The following DNM2 variants were observed in gnomAD, a reference collection of about 807,000 sequenced individuals.
DNM2 encodes dynamin-2.
Under a neutral mutation model 99.0 loss-of-function variants are expected in DNM2, and 15 were observed. That is an observed-to-expected ratio of 0.15 (90% CI 0.10 to 0.23). The LOEUF (loss-of-function observed/expected upper bound fraction) is 0.23, where lower values mean the gene tolerates loss of function less well. DNM2 is among the 10% of genes least tolerant of loss of function. The probability of loss-of-function intolerance (pLI) is 1.00; values close to 1 mark genes in which losing one functional copy is unlikely to be tolerated. For synonymous variants in DNM2, 525 were observed against 481.2 expected (o/e 1.09, Z -1.19); for missense variants, 742 against 1,189.4 (o/e 0.62, Z 5.53).
chr19:10,778,787 C>T (rs1401063047), intron 5 of DNM2, among the ~76,000 whole-genome samples: 1 of 152,080 alleles, frequency 6.6e-6, no homozygotes, highest in Admixed American at 6.6e-5. Context: ...GAAACCAGAC[C>T]ACATCCCACA....
intron 1 of DNM2, among the ~76,000 whole-genome samples, chr19:10,756,433 G>A (rs189718914): frequency 6.6e-6 from 1 of 152,318 alleles, no homozygotes; most frequent in Admixed American, 6.5e-5. Flanking sequence ...GCCATGAGCT[G>A]TGATGTTGTC....
At chr19:10,751,953 G>A (rs1599478022) in intron 1 of DNM2, among the ~76,000 whole-genome samples, 1 of 152,264 alleles carries the variant, frequency 6.6e-6, no homozygotes, top group South Asian at 2.1e-4. Flanking sequence ...GGACACGAGA[G>A]CCTTTATTCC....
intron 2 of DNM2, among the ~76,000 whole-genome samples, chr19:10,770,235 A>T (rs2070930339): frequency 6.6e-6 from 1 of 152,094 alleles, no homozygotes; most frequent in Non-Finnish European, 1.5e-5. Flanking sequence ...CCTTTGCTTG[A>T]GGCAGTTTAT....
At chr19:10,749,333 C>T (rs1163367480) in intron 1 of DNM2, among the ~76,000 whole-genome samples, 1 of 152,214 alleles carries the variant, frequency 6.6e-6, no homozygotes. Context: ...GGCTTCTGAT[C>T]TGCTGGACTC....
chr19:10,823,059 C>G (rs1452444790), intron 16 of DNM2, among the ~76,000 whole-genome samples: 1 of 146,646 alleles, frequency 6.8e-6, no homozygotes, highest in East Asian at 2.1e-4. Context: ...GAGCCAAGAT[C>G]GCGCCACTGC....
At chr19:10,785,726 T>C (rs1008446229) in intron 6 of DNM2, among the ~76,000 whole-genome samples, 4 of 152,230 alleles carry the variant, frequency 2.6e-5, no homozygotes, top group Admixed American at 6.5e-5. Context: ...CGTGAGCCAC[T>C]GCACCCAGCT....
rs772677135 is a variant in DNM2, at chr19:10,772,172, C to T, written c.236-307C>T. 2.0e-5 allele frequency among the ~76,000 whole-genome samples: 3 copies of T among 151,814 alleles called. No homozygotes were observed. Among genetic ancestry groups the T allele is most frequent in the African/African-American group, 2.4e-5 (1 of 41,310 alleles). On this transcript the variant is annotated intron_variant, in intron 2 of 20. Transcript: ENST00000389253. The surrounding 1 kb of genome is among the most constrained non-coding windows in gnomAD (Gnocchi z 4.9). Reference sequence around the variant, plus strand: ...TCGGCTCACTACAACCTCCGCCTCCCGGGTTCAAGCAATTATCCTGCCTCA... The same window carrying T: ...TCGGCTCACTACAACCTCCGCCTCCTGGGTTCAAGCAATTATCCTGCCTCA...
chr19:10,808,637 C>G (rs1204784222), intron 14 of DNM2, 57 bp downstream of exon 14: 1 of 1,566,516 alleles, frequency 6.4e-7, no homozygotes, highest in Non-Finnish European at 8.7e-7. Flanking sequence ...TGATGGAGAC[C>G]CCGCCCACCC....
In DNM2 at chr19:10,831,202, C is replaced by T. The variant is rs1850976933; in HGVS notation, c.*155C>T. On this transcript the variant is annotated 3_prime_UTR_variant, in exon 21 of 21. Transcript: ENST00000389253. This position sits in a 1 kb window ranked among gnomAD's most constrained non-coding sequence, Gnocchi z 4.3. ...ACGCTGGCCCCGGTCCAGGGCCGGC[C>T]CCTGTGCCTGGCTGGACACCGCACT... 2.1e-6 allele frequency: 3 copies of T among 1,395,836 alleles called. No homozygotes were observed. Among genetic ancestry groups the T allele is most frequent in the Admixed American group, 6.2e-5 (2 of 32,152 alleles). The allele number at this position is 1,395,836 out of a possible 1,614,324, so 86.5% of individuals were successfully genotyped here.
At chr19:10,805,187 G>A (rs2072289120) in intron 12 of DNM2, among the ~76,000 whole-genome samples, 1 of 152,228 alleles carries the variant, frequency 6.6e-6, no homozygotes, top group Non-Finnish European at 1.5e-5. Flanking sequence ...AACACACCCT[G>A]TCGACCTTGG....
At position 10,820,084 on chromosome 19, in the gene DNM2, G is replaced by C; in HGVS notation, c.1776G>C (p.Glu592Asp). 1 of 1,614,166 alleles carries C rather than the reference G, an allele frequency of 6.2e-7. No individual in the cohort carries two copies. Among genetic ancestry groups the C allele is most frequent in the Non-Finnish European group, 8.5e-7 (1 of 1,180,034 alleles). Residue 592 changes from glutamate to aspartate, a missense_variant, in exon 16 of 21, where the codon GAG becomes GAC. By Grantham distance (45) the Glu-to-Asp change is conservative. Around this residue, in one of 7 missense-constraint regions of DNM2, gnomAD observed 240 missense variants for 431.3 expected, o/e 0.56. Transcript: ENST00000389253. This position sits in a 1 kb window ranked among gnomAD's most constrained non-coding sequence, Gnocchi z 4.3. ...NKHVFAIFNTEQRNVYKDLRQ... is the reference protein window; with the variant it reads ...NKHVFAIFNTDQRNVYKDLRQ... Reference sequence around the variant, plus strand: ...ACGTCTTCGCCATCTTCAACACGGAGCAGAGGTGAGGGGCCCAGGGGCCTG... The same window carrying C: ...ACGTCTTCGCCATCTTCAACACGGACCAGAGGTGAGGGGCCCAGGGGCCTG...
chr19:10,800,358 G>C (rs1180630051), intron 11 of DNM2, among the ~76,000 whole-genome samples: 1 of 152,144 alleles, frequency 6.6e-6, no homozygotes, highest in Non-Finnish European at 1.5e-5. Flanking sequence ...GCTCCCTCAG[G>C]GCACCAGTCC....
At chr19:10,794,959 A>T (rs1237952220) in intron 8 of DNM2, among the ~76,000 whole-genome samples, 1 of 151,948 alleles carries the variant, frequency 6.6e-6, no homozygotes, top group East Asian at 1.9e-4. Flanking sequence ...TTGCTCTTTC[A>T]CCCAGGCTGG....
chr19:10,799,271 C>A (rs1453011392), intron 11 of DNM2, among the ~76,000 whole-genome samples: 1 of 152,102 alleles, frequency 6.6e-6, no homozygotes, highest in Admixed American at 6.6e-5. Context: ...CTGGCCACCA[C>A]CAGCCCGCTC....
In DNM2 at chr19:10,718,227, G is replaced by C; in HGVS notation, c.-16G>C. 2.1e-6 allele frequency: 3 copies of C among 1,461,428 alleles called. No individual in the cohort carries two copies. Among genetic ancestry groups the C allele is most frequent in the Non-Finnish European group, 2.7e-6 (3 of 1,103,892 alleles). The allele number at this position is 1,461,428 out of a possible 1,614,324, so 90.5% of individuals were successfully genotyped here. On this transcript the variant is annotated 5_prime_UTR_variant, in exon 1 of 21. Transcript: ENST00000389253. ...GCGAGGAGCGCAGGGCGCTCGGGCCGGGGGCCGCCGGCGCCATGGGCAACC... is the reference window on the plus strand; with the variant it reads ...GCGAGGAGCGCAGGGCGCTCGGGCCCGGGGCCGCCGGCGCCATGGGCAACC...
chr19:10,780,628 C>G (rs1784022052), intron 5 of DNM2, among the ~76,000 whole-genome samples: 1 of 152,168 alleles, frequency 6.6e-6, no homozygotes, highest in Admixed American at 6.6e-5. Flanking sequence ...ACAACTCCTC[C>G]TCCTTTACGG....
intron 2 of DNM2, among the ~76,000 whole-genome samples, chr19:10,760,735 T>C (rs989662778): frequency 6.6e-6 from 1 of 151,218 alleles, no homozygotes; most frequent in Non-Finnish European, 1.5e-5. Context: ...CATAGCTCAC[T>C]GCGGCCTCGA....
chr19:10,808,388 C>T (rs943744858), intron 13 of DNM2, 181 bp from the exon 14 acceptor site: 25 of 594,718 alleles, frequency 4.2e-5, no homozygotes, highest in Non-Finnish European at 7.3e-5. Context: ...AATATTAACA[C>T]CATGAATATG....
At position 10,811,433 on chromosome 19, in the gene DNM2, G is replaced by C; in HGVS notation, c.1558-831G>C. ...GCCGTGCCCTGCCATGCCCTGCACT[G>C]GGGGATGCAGGCCAGCCCTTCGCAG... On this transcript the variant is annotated intron_variant, in intron 14 of 20. Coordinates refer to ENST00000389253, the MANE Select transcript of DNM2 (RefSeq NM_001005361.3). The surrounding 1 kb of genome is among the most constrained non-coding windows in gnomAD (Gnocchi z 5.4). 1 of 339,562 alleles carries C rather than the reference G, an allele frequency of 2.9e-6. No individual in the cohort carries two copies. The highest frequency in any genetic ancestry group is 5.9e-6 in the Non-Finnish European group (1 of 170,776). 21.0% of individuals were successfully genotyped at this position (339,562 alleles called of 1,614,324 possible). A position where few individuals can be genotyped will look rare whatever the true frequency, so the allele number is the denominator to read the frequency against.
Sources: allele counts gnomAD v4.1 joint callset (sites outside exome capture counted in the v4.1 genomes callset), GRCh38; gene constraint gnomAD v4.1.1; regional missense constraint gnomAD v4.1.1; non-coding constraint Gnocchi (gnomAD v3.1); transcripts MANE v1.5; gene names NCBI Gene and HGNC (gene_info 2026-07-23, HGNC 2026-07-21).